Variants in LRFN5 observed in about 807,000 individuals in gnomAD.
LRFN5 encodes the protein leucine-rich repeat and fibronectin type-III domain-containing protein 5.
LRFN5 carries 24 observed loss-of-function variants against 45.6 expected under a neutral mutation model. The ratio of observed to expected loss-of-function variants is 0.53; its 90% CI spans 0.38 to 0.74. The LOEUF (loss-of-function observed/expected upper bound fraction) is 0.74. Among genes scored for constraint, LRFN5 ranks in the 30% least tolerant of loss-of-function variants. The pLI is 0.00. For missense variants in LRFN5, 776 were observed against 861.5 expected, an observed-to-expected ratio of 0.90 and a Z score of 1.24; for synonymous variants, 340 against 313.8, an observed-to-expected ratio of 1.08 and a Z score of -0.88.
intron 1 of LRFN5, among the ~76,000 whole-genome samples, chr14:41,762,768 T>C (rs1025555434): frequency 5.9e-5 from 9 of 152,114 alleles, no homozygotes; most frequent in Non-Finnish European, 1.3e-4. Context: ...TATAAATAAG[T>C]AATTGAATGA....
chr14:41,666,476 C>G (rs1041913298), intron 1 of LRFN5, among the ~76,000 whole-genome samples: 2 of 152,088 alleles, frequency 1.3e-5, no homozygotes, highest in Non-Finnish European at 2.9e-5. Flanking sequence ...TTCAAATCAT[C>G]ATGACTACTC....
At chr14:41,687,910 A>T (rs1318231867) in intron 1 of LRFN5, among the ~76,000 whole-genome samples, 1 of 152,210 alleles carries the variant, frequency 6.6e-6, no homozygotes, top group Non-Finnish European at 1.5e-5. Flanking sequence ...AACCTGCACT[A>T]TCTGTACATG....
intron 2 of LRFN5, among the ~76,000 whole-genome samples, chr14:41,865,984 T>C (rs1387224388): frequency 6.6e-6 from 1 of 152,212 alleles, no homozygotes; most frequent in African/African-American, 2.4e-5. Flanking sequence ...GATTTTCAAC[T>C]ACTTTTTCTG....
At chr14:41,720,353 T>G (rs1280767023) in intron 1 of LRFN5, among the ~76,000 whole-genome samples, 1 of 152,230 alleles carries the variant, frequency 6.6e-6, no homozygotes, top group African/African-American at 2.4e-5. Flanking sequence ...AGCACCTAGG[T>G]TGATTCCATG....
At chr14:41,646,410 A>T (rs374999192) in intron 1 of LRFN5, among the ~76,000 whole-genome samples, 19 of 152,182 alleles carry the variant, frequency 1.2e-4, no homozygotes, top group Admixed American at 6.5e-4. Context: ...TTGCTGGACT[A>T]AAGCAAACTT....
intron 2 of LRFN5, among the ~76,000 whole-genome samples, chr14:41,863,693 T>C (rs1442065168): frequency 6.6e-6 from 1 of 152,242 alleles, no homozygotes; most frequent in Non-Finnish European, 1.5e-5. Flanking sequence ...TGATTTGTTT[T>C]ATTATTATAC....
At position 41,811,499 on chromosome 14, in the gene LRFN5, A is replaced by G. The variant is rs566875361; in HGVS notation, c.-21+44470A>G. ...TGTTTATAGCAGCATAATTCATAAT[A>G]GCCCAAAAATGGAAACAACCCAGGG... On this transcript the variant is annotated intron_variant, in intron 2 of 5. Coordinates refer to ENST00000298119, the MANE Select transcript of LRFN5 (RefSeq NM_152447.5). Among the ~76,000 whole-genome samples, 31 of 152,268 alleles carry G rather than the reference A, an allele frequency of 2.0e-4. 1 individual carries two copies. In the East Asian group the frequency reaches 5.0e-3, roughly 25 times the overall value.
chr14:41,783,620 A>G lies in LRFN5; in HGVS notation c.-21+16591A>G, dbSNP rs189392767. Among the ~76,000 whole-genome samples the G allele has an allele frequency of 2.8e-3, 432 of 152,226 alleles. 1 individual carries two copies. The highest frequency in any genetic ancestry group is 0.01 in the African/African-American group (419 of 41,548). On this transcript the variant is annotated intron_variant, in intron 2 of 5. Transcript: ENST00000298119. ...TCACTAATGAGTAATGAACTTCAGT[A>G]ATTTCCTGCATGCTGCTTGTCTGTT...
intron 2 of LRFN5, among the ~76,000 whole-genome samples, chr14:41,823,126 T>A (rs1407203702): frequency 1.3e-5 from 2 of 152,024 alleles, no homozygotes; most frequent in Non-Finnish European, 2.9e-5. Flanking sequence ...TTTAGCCCAT[T>A]TGTGATCAAG....
chr14:41,767,140 C>CA (rs1341092436), intron 2 of LRFN5, 111 bp downstream of exon 2: 1 of 152,358 alleles, frequency 6.6e-6, no homozygotes, highest in African/African-American at 2.4e-5. Context: ...TATTATTCAT[C>CA]ACTGATTACC....
intron 2 of LRFN5, among the ~76,000 whole-genome samples, chr14:41,777,745 C>T (rs1594699673): frequency 6.6e-6 from 1 of 151,666 alleles, no homozygotes; most frequent in African/African-American, 2.4e-5. Flanking sequence ...TTCTTTAAAT[C>T]ATTTTATGGT....
Position 41,891,473 on chromosome 14 carries a change from A to G in LRFN5, c.1609A>G (p.Ile537Val). The G allele has an allele frequency of 1.2e-6, 2 of 1,614,164 alleles. No individual in the cohort carries two copies. Among genetic ancestry groups the G allele is most frequent in the East Asian group, 2.2e-5 (1 of 44,884 alleles). ...GTMIIIIGGI[I>V]VASVLVFIII... ...CATGATTATTATTATTGGTGGAATC[A>G]TTGTAGCATCTGTGCTGGTATTCAT... Residue 537 changes from isoleucine to valine, a missense_variant, in exon 4 of 6, where the codon ATT (isoleucine) becomes GTT (valine). Physicochemically the swap from Ile to Val is conservative, Grantham distance 29 (BLOSUM62 3). Around this residue, in one of 2 missense-constraint regions of LRFN5, gnomAD observed 465 missense variants for 456.4 expected, o/e 1.02. Transcript: ENST00000298119.
At chr14:41,792,845 A>C (rs1474854352) in intron 2 of LRFN5, among the ~76,000 whole-genome samples, 1 of 152,058 alleles carries the variant, frequency 6.6e-6, no homozygotes, top group African/African-American at 2.4e-5. Context: ...TACAAAGATA[A>C]CAGGATTAAG....
chr14:41,691,637 A>G (rs898989096), intron 1 of LRFN5, among the ~76,000 whole-genome samples: 3 of 152,104 alleles, frequency 2.0e-5, no homozygotes, highest in Non-Finnish European at 4.4e-5. Flanking sequence ...ATTAAAATAC[A>G]TAGATCTTAA....
At chr14:41,785,846 C>T (rs557774159) in intron 2 of LRFN5, among the ~76,000 whole-genome samples, 1 of 152,080 alleles carries the variant, frequency 6.6e-6, no homozygotes, top group Non-Finnish European at 1.5e-5. Flanking sequence ...CAGTGGGGTT[C>T]ACACCCCTAT....
chr14:41,639,949 A>ATTTTTTTTTTTTT (rs34020254), intron 1 of LRFN5, among the ~76,000 whole-genome samples: 5 of 68,034 alleles, frequency 7.3e-5, no homozygotes, highest in Non-Finnish European at 1.3e-4. Context: ...TGACTGGCTA[A>ATTTTTTTTTTTTT]TTTTTTTTTT....
chr14:41,741,099 G>C (rs1345971873), intron 1 of LRFN5, among the ~76,000 whole-genome samples: 1 of 151,564 alleles, frequency 6.6e-6, no homozygotes, highest in Non-Finnish European at 1.5e-5. Flanking sequence ...GATAACTCAT[G>C]TTCATAGGTT....
intron 1 of LRFN5, among the ~76,000 whole-genome samples, chr14:41,705,257 T>C (rs1220698125): frequency 6.6e-6 from 1 of 152,154 alleles, no homozygotes; most frequent in African/African-American, 2.4e-5. Flanking sequence ...AGTTGCTTTC[T>C]TAGAGACAAC....
chr14:41,641,670 A>T lies in LRFN5; in HGVS notation c.-197+33108A>T, dbSNP rs916250997. Among the ~76,000 whole-genome samples, 12 of 152,178 alleles carry T rather than the reference A, an allele frequency of 7.9e-5. No individual in the cohort carries two copies. The East Asian group carries it at 2.3e-3, about 29-fold the overall frequency. ...TAAATATAATGCCACAGTAATAGAG[A>T]TCAGATCCATGGTGTCCCAAACCTG... On this transcript the variant is annotated intron_variant, in intron 1 of 5. Coordinates refer to ENST00000298119, the MANE Select transcript of LRFN5 (RefSeq NM_152447.5).
Sources: allele counts gnomAD v4.1 joint callset (sites outside exome capture counted in the v4.1 genomes callset), GRCh38; gene constraint gnomAD v4.1.1; regional missense constraint gnomAD v4.1.1; transcripts MANE v1.5; gene names NCBI Gene and HGNC (gene_info 2026-07-23, HGNC 2026-07-21).